The following PDE4D variants were observed in gnomAD, a reference collection of about 807,000 sequenced individuals.
PDE4D encodes 3',5'-cyclic-AMP phosphodiesterase 4D.
PDE4D carries 24 observed loss-of-function variants against 87.4 expected under a neutral mutation model. The observed-to-expected ratio is 0.27, with a 90% CI of 0.20 to 0.39. The LOEUF is 0.39. Among genes scored for constraint, PDE4D ranks in the 10% least tolerant of loss-of-function variants. The pLI is 1.00. For synonymous variants in PDE4D, 384 were observed against 383.2 expected (o/e 1.00, Z -0.02); for missense variants, 714 against 1,041.0 (o/e 0.69, Z 4.32).
intron 1 of PDE4D, chr5:59,276,128 A>G (rs1448778860): frequency 2.1e-6 from 2 of 966,788 alleles, no homozygotes; most frequent in Non-Finnish European, 2.5e-6. Flanking sequence ...AAAGGAAAAA[A>G]AAAAAAAAAA....
intron 1 of PDE4D, among the ~76,000 whole-genome samples, chr5:59,598,103 T>C (rs1826968132): frequency 6.6e-6 from 1 of 152,194 alleles, no homozygotes; most frequent in African/African-American, 2.4e-5. Context: ...CTCTGTATCT[T>C]ATACTTTTCT....
chr5:59,647,955 A>T (rs931979296), intron 1 of PDE4D, among the ~76,000 whole-genome samples: 1 of 152,166 alleles, frequency 6.6e-6, no homozygotes, highest in African/African-American at 2.4e-5. Flanking sequence ...TAATAGAAAT[A>T]TGAATGTGAT....
At chr5:60,457,433 G>A (rs1359769763) in intron 1 of PDE4D, among the ~76,000 whole-genome samples, 2 of 152,134 alleles carry the variant, frequency 1.3e-5, no homozygotes, top group African/African-American at 4.8e-5. Context: ...GCTTCCTCAT[G>A]TTTCCTGTCC....
intron 1 of PDE4D, among the ~76,000 whole-genome samples, chr5:60,210,482 A>T (rs1294323262): frequency 1.3e-5 from 2 of 152,182 alleles, no homozygotes; most frequent in African/African-American, 4.8e-5. Context: ...CCTTAAAACA[A>T]GGAAAATAAA....
At chr5:59,160,783 G>T (rs907941355) in intron 5 of PDE4D, among the ~76,000 whole-genome samples, 1 of 151,970 alleles carries the variant, frequency 6.6e-6, no homozygotes, top group African/African-American at 2.4e-5. Flanking sequence ...TGTGATTTCT[G>T]AGCTTAGATG....
intron 5 of PDE4D, among the ~76,000 whole-genome samples, chr5:59,091,359 A>G (rs909522575): frequency 1.3e-5 from 2 of 151,944 alleles, no homozygotes; most frequent in East Asian, 3.8e-4. Context: ...TATTCATAAT[A>G]TTTCCAAACT....
intron 1 of PDE4D, among the ~76,000 whole-genome samples, chr5:60,337,656 C>T (rs1717624339): frequency 1.3e-5 from 2 of 151,940 alleles, no homozygotes; most frequent in African/African-American, 4.8e-5. Flanking sequence ...ATGTACACTA[C>T]TCGGTATCAG....
intron 2 of PDE4D, among the ~76,000 whole-genome samples, chr5:60,054,875 A>G (rs1391158406): frequency 6.6e-6 from 1 of 152,152 alleles, no homozygotes; most frequent in Non-Finnish European, 1.5e-5. Flanking sequence ...CAGGCTGAAT[A>G]CAAAACATGT....
chr5:59,776,289 A>G (rs1485044220), intron 1 of PDE4D, among the ~76,000 whole-genome samples: 1 of 152,190 alleles, frequency 6.6e-6, no homozygotes, highest in African/African-American at 2.4e-5. Context: ...ATGAAGTCAT[A>G]TAACTTAACT....
chr5:59,388,650 C>T (rs1474276836), intron 1 of PDE4D, among the ~76,000 whole-genome samples: 2 of 151,722 alleles, frequency 1.3e-5, no homozygotes, highest in South Asian at 4.2e-4. Context: ...CACACACACT[C>T]ACACACTAGA....
chr5:59,945,521 T>C (rs1355571160), intron 3 of PDE4D, among the ~76,000 whole-genome samples: 1 of 152,344 alleles, frequency 6.6e-6, no homozygotes, highest in Non-Finnish European at 1.5e-5. Context: ...TTTATTTCTA[T>C]ACAGTGACTG....
intron 1 of PDE4D, among the ~76,000 whole-genome samples, chr5:60,416,816 A>AT (rs1291506384): frequency 6.6e-6 from 1 of 152,226 alleles, no homozygotes; most frequent in African/African-American, 2.4e-5. Context: ...ACAGCTTGGG[A>AT]ATCTGAATAA....
chr5:60,425,390 C>T (rs1158596428), intron 1 of PDE4D, among the ~76,000 whole-genome samples: 5 of 152,184 alleles, frequency 3.3e-5, no homozygotes, highest in African/African-American at 1.2e-4. Context: ...ACATCTACAA[C>T]CATCTGGTCT....
intron 4 of PDE4D, among the ~76,000 whole-genome samples, 178 bp downstream of exon 4, chr5:59,185,011 T>C (rs1742563778): frequency 6.6e-6 from 1 of 152,164 alleles, no homozygotes; most frequent in African/African-American, 2.4e-5. Context: ...ATTTCTGATA[T>C]TAGAACCATC....
chr5:60,271,209 T>G (rs532115078), intron 1 of PDE4D, among the ~76,000 whole-genome samples: 8 of 152,196 alleles, frequency 5.3e-5, no homozygotes, highest in African/African-American at 1.9e-4. Context: ...AACAGCAACT[T>G]TAATGGTCAC....
At chr5:59,856,204 A>G (rs991890726) in intron 1 of PDE4D, among the ~76,000 whole-genome samples, 3 of 152,128 alleles carry the variant, frequency 2.0e-5, no homozygotes, top group African/African-American at 7.2e-5. Context: ...TATTTATAGA[A>G]GTGGAAGATA....
At chr5:60,242,084 A>G (rs1229325687) in intron 1 of PDE4D, among the ~76,000 whole-genome samples, 2 of 152,112 alleles carry the variant, frequency 1.3e-5, no homozygotes, top group Non-Finnish European at 2.9e-5. Flanking sequence ...TACATTGCCT[A>G]TAATAAACAC....
At chr5:59,570,646 C>A (rs79179198) in intron 1 of PDE4D, among the ~76,000 whole-genome samples, 3 of 147,052 alleles carry the variant, frequency 2.0e-5, no homozygotes, top group African/African-American at 5.0e-5. Flanking sequence ...GACAAATATG[C>A]AAAAAAAAAA....
At chr5:59,100,942 G>A (rs1770631974) in intron 5 of PDE4D, among the ~76,000 whole-genome samples, 1 of 152,150 alleles carries the variant, frequency 6.6e-6, no homozygotes. Flanking sequence ...CTAAACTTCA[G>A]GTGTAGAGAG....
Sources: gnomAD v4.1 joint callset for allele counts (sites outside exome capture counted in the v4.1 genomes callset) on GRCh38, gnomAD v4.1.1 for gene constraint, MANE v1.5 for transcripts, NCBI Gene and HGNC (gene_info 2026-07-23, HGNC 2026-07-21) for gene names.